OXR1: variants seen among roughly 807,000 people sequenced by gnomAD.
OXR1 encodes the protein oxidation resistance protein 1.
A neutral mutation model predicts 104.6 loss-of-function variants in OXR1; 41 were observed. The observed-to-expected ratio is 0.39, with a 90% confidence interval of 0.31 to 0.51. The LOEUF is 0.51. Among genes scored for constraint, OXR1 ranks in the 20% least tolerant of loss-of-function variants. The pLI is 0.77. For missense variants in OXR1, 955 were observed against 1,031.9 expected (o/e 0.93, Z 1.02); for synonymous variants, 348 against 348.4 (o/e 1.00, Z 0.01).
intron 1 of OXR1, among the ~76,000 whole-genome samples, chr8:106,326,246 GGAAGGAT>G (rs1814463151): frequency 6.6e-6 from 1 of 152,206 alleles, no homozygotes; most frequent in African/African-American, 2.4e-5. Flanking sequence ...TTATTAAAAT[GGAAGGAT>G]GTCCCTAGTG....
chr8:106,641,182 A>G lies in OXR1; in HGVS notation c.221-38028A>G, dbSNP rs145966345. On this transcript the variant is annotated intron_variant, in intron 3 of 16. Transcript: ENST00000517566. Reference sequence around the variant, plus strand: ...CTTCTTTTTGCCATATGAGCTTACAATCACATCTTTCATTCCCAGATTTTT... The same window carrying G: ...CTTCTTTTTGCCATATGAGCTTACAGTCACATCTTTCATTCCCAGATTTTT... Among the ~76,000 whole-genome samples the G allele has an allele frequency of 5.6e-4, 86 of 152,324 alleles. No homozygotes were observed. In the East Asian group the frequency reaches 0.011, roughly 20 times the overall value.
At chr8:106,399,992 T>C (rs1817935923) in intron 2 of OXR1, among the ~76,000 whole-genome samples, 1 of 152,212 alleles carries the variant, frequency 6.6e-6, no homozygotes, top group East Asian at 1.9e-4. Flanking sequence ...AGCAATTATA[T>C]GTGTTGTGGC....
chr8:106,719,241 T>A (rs1832603888), intron 11 of OXR1, among the ~76,000 whole-genome samples: 1 of 152,248 alleles, frequency 6.6e-6, no homozygotes, highest in African/African-American at 2.4e-5. Flanking sequence ...AGTGCTCTAA[T>A]GGCATTTTAA....
intron 11 of OXR1, among the ~76,000 whole-genome samples, chr8:106,721,811 A>C (rs1278400719): frequency 6.6e-6 from 1 of 152,272 alleles, no homozygotes; most frequent in South Asian, 2.1e-4. Flanking sequence ...CCTTTTAGTT[A>C]TATAAGTGTA....
intron 1 of OXR1, among the ~76,000 whole-genome samples, chr8:106,335,950 G>C (rs979222451): frequency 2.6e-5 from 4 of 152,090 alleles, no homozygotes; most frequent in African/African-American, 9.7e-5. Flanking sequence ...ACAAAAATTA[G>C]CCAGGTGTGG....
intron 1 of OXR1, among the ~76,000 whole-genome samples, chr8:106,343,351 C>A (rs1355199819): frequency 2.0e-5 from 3 of 152,188 alleles, no homozygotes; most frequent in Non-Finnish European, 4.4e-5. Context: ...ATCGCTTAAG[C>A]AAAATGGAAC....
At chr8:106,418,583 A>C (rs1818776909) in intron 2 of OXR1, among the ~76,000 whole-genome samples, 1 of 152,064 alleles carries the variant, frequency 6.6e-6, no homozygotes, top group African/African-American at 2.4e-5. Context: ...GGATTCAGTA[A>C]AATAGTATAT....
At chr8:106,678,546 G>T (rs1283955589) in intron 3 of OXR1, among the ~76,000 whole-genome samples, 1 of 151,884 alleles carries the variant, frequency 6.6e-6, no homozygotes, top group Non-Finnish European at 1.5e-5. Context: ...AGATGAAAAG[G>T]TTAACACTAA....
At chr8:106,671,525 T>G (rs960914270) in intron 3 of OXR1, among the ~76,000 whole-genome samples, 4 of 152,194 alleles carry the variant, frequency 2.6e-5, no homozygotes, top group Admixed American at 2.0e-4. Context: ...GAGCATATGT[T>G]TATTGCAGCA....
intron 2 of OXR1, among the ~76,000 whole-genome samples, chr8:106,422,360 C>T (rs570864522): frequency 1.8e-4 from 28 of 152,170 alleles, no homozygotes; most frequent in Non-Finnish European, 3.8e-4. Context: ...AATAAGAGCA[C>T]CTCTCTTCAA....
At chr8:106,742,388 A>T (rs1834994673) in intron 15 of OXR1, 71 bp downstream of exon 15, 1 of 777,842 alleles carries the variant, frequency 1.3e-6, no homozygotes, top group East Asian at 2.7e-5. Context: ...CAATTTATAG[A>T]TTCAGTGCTA....
At chr8:106,346,797 T>A (rs1431337232) in intron 1 of OXR1, among the ~76,000 whole-genome samples, 1 of 152,146 alleles carries the variant, frequency 6.6e-6, no homozygotes, top group Non-Finnish European at 1.5e-5. Context: ...CCCAGCACTT[T>A]GGGAGGCCAA....
chr8:106,411,085 AG>A (rs1305817413), intron 2 of OXR1, among the ~76,000 whole-genome samples: 2 of 126,486 alleles, frequency 1.6e-5, no homozygotes, highest in Non-Finnish European at 3.2e-5. Flanking sequence ...ATTATATTTG[AG>A]ATGAGTGTAA....
intron 3 of OXR1, among the ~76,000 whole-genome samples, chr8:106,677,703 T>A (rs550289781): frequency 6.6e-6 from 1 of 152,220 alleles, no homozygotes; most frequent in South Asian, 2.1e-4. Flanking sequence ...CCCTAGTTTT[T>A]AAGAGTTCTT....
chr8:106,707,301 C>G (rs529079047), intron 9 of OXR1, 156 bp downstream of exon 9: 3 of 700,862 alleles, frequency 4.3e-6, no homozygotes, highest in Non-Finnish European at 7.7e-6. Context: ...TATACAGTCT[C>G]CAGTGTCTAC....
intron 7 of OXR1, among the ~76,000 whole-genome samples, chr8:106,695,698 G>A (rs867499011): frequency 5.9e-5 from 9 of 152,118 alleles, no homozygotes; most frequent in Non-Finnish European, 5.9e-5. Context: ...GGTTACAGGC[G>A]TGAGCTACCG....
chr8:106,706,744 T>C lies in OXR1; in HGVS notation c.1223T>C (p.Leu408Ser), dbSNP rs1276521299. ...CATTCTACAAATGAAGTTGGGACTT[T>C]ATGTCATAAAACTGATTTAAATAAT... ...TEHSTNEVGT[L>S]CHKTDLNNLE... The change falls in exon 9 of 17, where the codon TTA (leucine) becomes TCA (serine). Residue 408 changes from leucine to serine, a missense_variant. By Grantham distance (145) the Leu-to-Ser change is moderately radical. Transcript: ENST00000517566. The C allele has an allele frequency of 3.7e-6, 6 of 1,612,172 alleles. No homozygotes were observed. In the East Asian group the frequency reaches 6.7e-5, roughly 18 times the overall value.
intron 3 of OXR1, among the ~76,000 whole-genome samples, chr8:106,663,685 C>T (rs1307198496): frequency 2.0e-5 from 3 of 152,170 alleles, no homozygotes; most frequent in Non-Finnish European, 2.9e-5. Context: ...AGCTCTGCCT[C>T]CTGTTAGATC....
intron 2 of OXR1, among the ~76,000 whole-genome samples, chr8:106,512,775 C>T (rs1359676273): frequency 6.6e-6 from 1 of 151,868 alleles, no homozygotes; most frequent in African/African-American, 2.4e-5. Flanking sequence ...AAAGAGAAAA[C>T]CCCACAGATG....
Sources: allele counts gnomAD v4.1 joint callset (sites outside exome capture counted in the v4.1 genomes callset), GRCh38; gene constraint gnomAD v4.1.1; transcripts MANE v1.5; gene names NCBI Gene and HGNC (gene_info 2026-07-23, HGNC 2026-07-21).